PTPRM: variants seen among roughly 807,000 people sequenced by gnomAD.
PTPRM encodes the protein receptor-type tyrosine-protein phosphatase mu.
A neutral mutation model predicts 186.7 loss-of-function variants in PTPRM; 47 were observed. The ratio of observed to expected loss-of-function variants is 0.25; its 90% CI spans 0.20 to 0.32. The LOEUF (loss-of-function observed/expected upper bound fraction) is 0.32. Ranked by LOEUF, PTPRM falls within the 10% of genes least tolerant of loss-of-function variation. The pLI, the probability that PTPRM is intolerant of heterozygous loss-of-function variation, is 1.00. For synonymous variants in PTPRM, 668 were observed against 674.9 expected, an observed-to-expected ratio of 0.99 and a Z score of 0.16; for missense variants, 1,494 against 1,865.0, an observed-to-expected ratio of 0.80 and a Z score of 3.66.
chr18:8,028,509 G>C (rs1165972330), intron 7 of PTPRM, among the ~76,000 whole-genome samples: 1 of 152,196 alleles, frequency 6.6e-6, no homozygotes, highest in Non-Finnish European at 1.5e-5. Context: ...CCTTCAGCAT[G>C]TTTTTAATTC....
rs555465117 is a variant in PTPRM at position 7,806,259 on chromosome 18, C to T, written c.196+31988C>T. ...CAAATTCAGACACCCCATATGACCT[C>T]ATCAGGGATGTCTCCACAACCCAGG... On this transcript the variant is annotated intron_variant, in intron 2 of 32. Coordinates refer to ENST00000580170, the MANE Select transcript of PTPRM (RefSeq NM_001105244.2). Among the ~76,000 whole-genome samples, 22 of 152,314 alleles carry T rather than the reference C, an allele frequency of 1.4e-4. No individual in the cohort carries two copies. The South Asian group carries it at 3.1e-3, about 22-fold the overall frequency.
At chr18:7,936,172 C>G (rs931892668) in intron 5 of PTPRM, among the ~76,000 whole-genome samples, 4 of 152,170 alleles carry the variant, frequency 2.6e-5, no homozygotes, top group Admixed American at 6.5e-5. Context: ...ACCTCATGCT[C>G]CCTGAGCACA....
chr18:8,106,521 A>T (rs547850150), intron 11 of PTPRM, among the ~76,000 whole-genome samples: 1 of 151,748 alleles, frequency 6.6e-6, no homozygotes, highest in South Asian at 2.1e-4. Context: ...CTTTGTACAA[A>T]CCCTTATCAG....
At chr18:8,327,367 G>A (rs1384426446) in intron 22 of PTPRM, among the ~76,000 whole-genome samples, 1 of 152,240 alleles carries the variant, frequency 6.6e-6, no homozygotes, top group Non-Finnish European at 1.5e-5. Context: ...AACTGCCAAG[G>A]TCAGGCAGGG....
intron 14 of PTPRM, among the ~76,000 whole-genome samples, chr18:8,223,650 T>C (rs572470114): frequency 2.0e-4 from 30 of 152,292 alleles, no homozygotes; most frequent in African/African-American, 6.0e-4. Context: ...TGCACCTGAT[T>C]GAAGATGCTT....
At chr18:7,849,395 A>G (rs960949929) in intron 2 of PTPRM, among the ~76,000 whole-genome samples, 2 of 152,244 alleles carry the variant, frequency 1.3e-5, no homozygotes, top group Non-Finnish European at 2.9e-5. Flanking sequence ...AGCAAAGAGA[A>G]TGAATCCTAG....
intron 7 of PTPRM, among the ~76,000 whole-genome samples, chr18:8,065,092 A>G (rs112207555): frequency 3.7e-4 from 56 of 152,302 alleles, no homozygotes; most frequent in African/African-American, 1.3e-3. Context: ...ATTATCAATG[A>G]CATGATCCTA....
At chr18:7,872,492 C>T (rs1357930391) in intron 2 of PTPRM, among the ~76,000 whole-genome samples, 4 of 151,966 alleles carry the variant, frequency 2.6e-5, no homozygotes, top group African/African-American at 7.3e-5. Flanking sequence ...GGATTGAAAA[C>T]GATTACTTGA....
intron 22 of PTPRM, among the ~76,000 whole-genome samples, chr18:8,321,651 T>A (rs1274201266): frequency 6.6e-6 from 1 of 152,212 alleles, no homozygotes; most frequent in Non-Finnish European, 1.5e-5. Flanking sequence ...AATGCCCTGT[T>A]TACCAGGTCG....
chr18:8,085,291 T>G (rs1041380805), intron 9 of PTPRM, among the ~76,000 whole-genome samples: 2 of 152,102 alleles, frequency 1.3e-5, no homozygotes, highest in Admixed American at 1.3e-4. Context: ...GCCACTAGAT[T>G]AAAGATGAGG....
At chr18:7,906,920 G>A (rs2050013061) in intron 4 of PTPRM, among the ~76,000 whole-genome samples, 1 of 152,138 alleles carries the variant, frequency 6.6e-6, no homozygotes, top group Non-Finnish European at 1.5e-5. Context: ...TTGAGAATCT[G>A]TGCGTTTTGT....
intron 24 of PTPRM, among the ~76,000 whole-genome samples, chr18:8,371,271 G>C (rs554977625): frequency 6.6e-6 from 1 of 152,198 alleles, no homozygotes; most frequent in South Asian, 2.1e-4. Flanking sequence ...TCTTTCCCTG[G>C]TTGATATTGT....
chr18:8,281,456 C>T (rs1003882944), intron 19 of PTPRM, among the ~76,000 whole-genome samples: 4 of 152,206 alleles, frequency 2.6e-5, no homozygotes, highest in Non-Finnish European at 2.9e-5. Flanking sequence ...CAACAAAAAT[C>T]TGTGCCGTGC....
In PTPRM at chr18:7,885,527, A is replaced by C. The variant is rs371845910; in HGVS notation, c.197-2579A>C. 5.3e-3 allele frequency among the ~76,000 whole-genome samples: 801 copies of C among 152,294 alleles called. 8 individuals carry two copies. Among genetic ancestry groups the C allele is most frequent in the African/African-American group, 0.018 (759 of 41,560 alleles). On this transcript the variant is annotated intron_variant, in intron 2 of 32. Transcript: ENST00000580170. ...TCACTTCACAACATGAATGTCCTGCAAAAAATTGCACATAAACCAAGAGGA... is the reference window on the plus strand; with the variant it reads ...TCACTTCACAACATGAATGTCCTGCCAAAAATTGCACATAAACCAAGAGGA...
chr18:8,280,350 A>G (rs1360456150), intron 19 of PTPRM, among the ~76,000 whole-genome samples: 1 of 145,878 alleles, frequency 6.9e-6, no homozygotes, highest in African/African-American at 2.5e-5. Flanking sequence ...AAATACAGTC[A>G]CATTCTGAGG....
chr18:7,711,308 T>C (rs1174979036), intron 1 of PTPRM, among the ~76,000 whole-genome samples: 1 of 152,182 alleles, frequency 6.6e-6, no homozygotes, highest in Non-Finnish European at 1.5e-5. Flanking sequence ...GCCCAGATAC[T>C]ACGCTTTTCT....
At chr18:7,628,862 T>G (rs1431070904) in intron 1 of PTPRM, among the ~76,000 whole-genome samples, 1 of 152,198 alleles carries the variant, frequency 6.6e-6, no homozygotes, top group Non-Finnish European at 1.5e-5. Context: ...TTTTAATTCT[T>G]CTATCAGCCC....
At chr18:8,066,467 G>A (rs1027805066) in intron 7 of PTPRM, among the ~76,000 whole-genome samples, 3 of 152,112 alleles carry the variant, frequency 2.0e-5, no homozygotes, top group African/African-American at 7.2e-5. Flanking sequence ...AACTTATCCT[G>A]TAAGCTTTTG....
chr18:7,952,064 A>G (rs1291013561), intron 6 of PTPRM, among the ~76,000 whole-genome samples: 2 of 152,196 alleles, frequency 1.3e-5, no homozygotes. Flanking sequence ...ATTTCATATA[A>G]TCTCCACAAT....
Sources: allele counts gnomAD v4.1 joint callset (sites outside exome capture counted in the v4.1 genomes callset), GRCh38; gene constraint gnomAD v4.1.1; transcripts MANE v1.5; gene names NCBI Gene and HGNC (gene_info 2026-07-23, HGNC 2026-07-21).